Variants in RANBP2 observed in about 807,000 individuals in gnomAD.
RANBP2 encodes E3 SUMO-protein ligase RanBP2.
RANBP2 carries 57 observed loss-of-function variants against 303.6 expected under a neutral mutation model. The observed-to-expected ratio is 0.19, with a 90% CI of 0.15 to 0.23. The LOEUF (loss-of-function observed/expected upper bound fraction) is 0.23. Among genes scored for constraint, RANBP2 ranks in the 10% least tolerant of loss-of-function variants. The probability of loss-of-function intolerance (pLI) is 1.00; values close to 1 mark genes in which losing one functional copy is unlikely to be tolerated. For synonymous variants in RANBP2, 1,167 were observed against 1,301.5 expected (o/e 0.90, Z 2.23); for missense variants, 3,138 against 3,780.8 (o/e 0.83, Z 4.46).
chr2:109,683,530 A>G, the RANBP2 span, among the ~76,000 whole-genome samples: 1 of 152,162 alleles, frequency 6.6e-6, no homozygotes, highest in African/African-American at 2.4e-5. Context: ...GACACAGAGT[A>G]AATACGACTT....
At chr2:109,075,930 C>A in the RANBP2 span, among the ~76,000 whole-genome samples, 2 of 150,602 alleles carry the variant, frequency 1.3e-5, no homozygotes, top group Non-Finnish European at 1.5e-5. Flanking sequence ...GAAACACTTC[C>A]AAACTCATTT....
chr2:109,470,589 GT>G, the RANBP2 span, among the ~76,000 whole-genome samples: 2 of 152,252 alleles, frequency 1.3e-5, no homozygotes, highest in East Asian at 3.8e-4. Flanking sequence ...GAACAAGGCA[GT>G]CTGGAGGAGG....
chr2:109,453,575 A>C, the RANBP2 span, among the ~76,000 whole-genome samples: 1 of 152,170 alleles, frequency 6.6e-6, no homozygotes, highest in African/African-American at 2.4e-5. Flanking sequence ...TAACCACCCG[A>C]CCGGCCATCA....
the RANBP2 span, among the ~76,000 whole-genome samples, chr2:109,702,490 C>G: frequency 6.6e-6 from 1 of 152,298 alleles, no homozygotes; most frequent in African/African-American, 2.4e-5. Flanking sequence ...AGGCGTCCTG[C>G]AGCAAGCCAG....
At chr2:109,280,878 G>A in the RANBP2 span, among the ~76,000 whole-genome samples, 4 of 152,296 alleles carry the variant, frequency 2.6e-5, no homozygotes, top group East Asian at 7.7e-4. Flanking sequence ...TGTCTAATAA[G>A]CCTGCAGAAG....
chr2:109,329,376 C>T, the RANBP2 span, among the ~76,000 whole-genome samples: 7 of 152,194 alleles, frequency 4.6e-5, no homozygotes, highest in African/African-American at 1.7e-4. Context: ...AAAGTCAAGC[C>T]CCAAAGAATC....
At chr2:109,163,613 A>T in the RANBP2 span, among the ~76,000 whole-genome samples, 1 of 151,246 alleles carries the variant, frequency 6.6e-6, no homozygotes, top group Non-Finnish European at 1.5e-5. Context: ...TTTAGCCGGG[A>T]TGGTCTCGAT....
At chr2:108,769,716 T>C (rs1478602548) in intron 20 of RANBP2, among the ~76,000 whole-genome samples, 1 of 152,030 alleles carries the variant, frequency 6.6e-6, no homozygotes, top group African/African-American at 2.4e-5. Flanking sequence ...TTGTGCATGG[T>C]TTAGAAAAAT....
chr2:108,856,968 C>G, the RANBP2 span: 1 of 1,508,730 alleles, frequency 6.6e-7, no homozygotes, highest in East Asian at 2.6e-5. Flanking sequence ...ACGGTGGAAT[C>G]TAGTAAGTTT....
chr2:108,815,117 A>C, the RANBP2 span, among the ~76,000 whole-genome samples: 3 of 152,188 alleles, frequency 2.0e-5, no homozygotes, highest in African/African-American at 7.2e-5. Flanking sequence ...GTCAGAGGAC[A>C]AGATTTCTAG....
chr2:109,520,180 A>G, the RANBP2 span, among the ~76,000 whole-genome samples: 5 of 152,234 alleles, frequency 3.3e-5, no homozygotes, highest in African/African-American at 4.8e-5. Flanking sequence ...CTCTGAATTT[A>G]TGTCTTAAAA....
At chr2:109,048,034 A>T in the RANBP2 span, among the ~76,000 whole-genome samples, 5 of 152,222 alleles carry the variant, frequency 3.3e-5, no homozygotes, top group African/African-American at 4.8e-5. Flanking sequence ...ACTTCTGAGG[A>T]CACGCATCAT....
At chr2:108,957,083 C>A in the RANBP2 span, among the ~76,000 whole-genome samples, 6 of 152,378 alleles carry the variant, frequency 3.9e-5, 1 homozygote, top group East Asian at 1.2e-3. Flanking sequence ...AGCCGCCACG[C>A]CCAGCCAAGG....
the RANBP2 span, among the ~76,000 whole-genome samples, chr2:109,294,898 A>AGAAGC: frequency 6.6e-6 from 1 of 152,330 alleles, no homozygotes; most frequent in South Asian, 2.1e-4. Context: ...TAGTGAGGAG[A>AGAAGC]GAAGCAGGGA....
At chr2:109,346,128 T>G in the RANBP2 span, among the ~76,000 whole-genome samples, 1 of 152,194 alleles carries the variant, frequency 6.6e-6, no homozygotes, top group East Asian at 1.9e-4. Flanking sequence ...CGTTACACAC[T>G]ATTGTGCTCG....
At chr2:109,047,726 C>G in the RANBP2 span, among the ~76,000 whole-genome samples, 1 of 152,250 alleles carries the variant, frequency 6.6e-6, no homozygotes, top group African/African-American at 2.4e-5. Context: ...ACAAGAATTG[C>G]TTGAACCTGG....
the RANBP2 span, among the ~76,000 whole-genome samples, chr2:109,375,577 C>T: frequency 2.8e-4 from 42 of 152,218 alleles, no homozygotes; most frequent in Non-Finnish European, 5.1e-4. Context: ...TTTCAGAAGG[C>T]GCTTGTTCTA....
the RANBP2 span, among the ~76,000 whole-genome samples, chr2:109,064,458 A>AT: frequency 6.8e-6 from 1 of 146,644 alleles, no homozygotes; most frequent in Non-Finnish European, 1.5e-5. Flanking sequence ...TCTGTCTCAA[A>AT]AAAAAAAAAA....
chr2:109,169,464 G>T, the RANBP2 span, among the ~76,000 whole-genome samples: 29 of 152,082 alleles, frequency 1.9e-4, no homozygotes, highest in African/African-American at 6.8e-4. Context: ...GTGTTGAATT[G>T]TCGGGGAGGA....
Sources: allele counts gnomAD v4.1 joint callset (sites outside exome capture counted in the v4.1 genomes callset), GRCh38; gene constraint gnomAD v4.1.1; transcripts MANE v1.5; gene names NCBI Gene and HGNC (gene_info 2026-07-23, HGNC 2026-07-21).